Variants in ERI1 observed in about 807,000 individuals in gnomAD.
ERI1 encodes 3'-5' exoribonuclease 1.
Under a neutral mutation model 39.7 loss-of-function variants are expected in ERI1, and 39 were observed. The observed-to-expected ratio is 0.98, with a 90% CI of 0.76 to 1.28. The LOEUF is 1.28. Ranked by LOEUF, ERI1 falls within the 50% of genes most tolerant of loss-of-function variation. The probability of loss-of-function intolerance (pLI) is 0.00; values close to 1 mark genes in which losing one functional copy is unlikely to be tolerated. For synonymous variants in ERI1, 204 were observed against 149.6 expected, an observed-to-expected ratio of 1.36 and a Z score of -2.65; for missense variants, 581 against 416.9, an observed-to-expected ratio of 1.39 and a Z score of -3.43.
At chr8:9,045,053 C>T (rs549210477) in intron 3 of ERI1, among the ~76,000 whole-genome samples, 7 of 151,910 alleles carry the variant, frequency 4.6e-5, no homozygotes, top group African/African-American at 2.4e-5. Flanking sequence ...CTGGCTAACA[C>T]GGTGAAACCC....
chr8:9,026,858 TA>T (rs58454617), intron 6 of ERI1, among the ~76,000 whole-genome samples: 38,719 of 147,886 alleles, frequency 0.26, 5,327 homozygotes, highest in Non-Finnish European at 0.32. Flanking sequence ...TGTACCACGT[TA>T]AAAAAAAAAA....
intron 3 of ERI1, among the ~76,000 whole-genome samples, chr8:9,076,151 C>A (rs564708951): frequency 2.0e-5 from 3 of 152,198 alleles, no homozygotes; most frequent in African/African-American, 7.2e-5. Flanking sequence ...CACTTATTGC[C>A]CAAGCTGGTC....
chr8:9,016,773 C>T (rs747143574), intron 4 of ERI1, among the ~76,000 whole-genome samples: 1 of 152,164 alleles, frequency 6.6e-6, no homozygotes, highest in East Asian at 1.9e-4. Context: ...GCAGCCTCTG[C>T]CTCCTGGGCT....
chr8:9,032,328 T>A lies in ERI1; in HGVS notation c.*2294T>A, dbSNP rs1225585993. 6.6e-6 allele frequency: 1 copy of A among 152,256 alleles called. No homozygotes were observed. The highest frequency in any genetic ancestry group is 1.5e-5 in the Non-Finnish European group (1 of 68,046). The allele number at this position is 152,256 out of a possible 1,614,324, so 9.4% of individuals were successfully genotyped here. A position where few individuals can be genotyped will look rare whatever the true frequency, so the allele number is the denominator to read the frequency against. On this transcript the variant is annotated 3_prime_UTR_variant, in exon 7 of 7. Transcript: ENST00000250263. Reference sequence around the variant, plus strand: ...CAATTTATTATTAGCTGTGTTAACTTTTATTCTATGCTTCATATGCTCTGA... The same window carrying A: ...CAATTTATTATTAGCTGTGTTAACTATTATTCTATGCTTCATATGCTCTGA...
At chr8:9,057,703 TA>T (rs35945547) in intron 3 of ERI1, among the ~76,000 whole-genome samples, 67,052 of 151,910 alleles carry the variant, frequency 0.44, 16,363 homozygotes, top group East Asian at 0.73. Flanking sequence ...TCAAATAAAT[TA>T]AAAGATGTTC....
intron 1 of ERI1, among the ~76,000 whole-genome samples, chr8:9,004,589 C>G (rs1430050044): frequency 6.7e-6 from 1 of 149,188 alleles, no homozygotes; most frequent in African/African-American, 2.5e-5. Flanking sequence ...CACCTGAGCC[C>G]ATGGGTGGAG....
At chr8:9,052,527 AC>A (rs773304904) in intron 3 of ERI1, among the ~76,000 whole-genome samples, 6 of 152,126 alleles carry the variant, frequency 3.9e-5, no homozygotes, top group Non-Finnish European at 5.9e-5. Context: ...AGCATATACC[AC>A]TATTACCCGT....
chr8:9,026,715 GT>G (rs1310526320), intron 6 of ERI1, among the ~76,000 whole-genome samples: 1 of 152,148 alleles, frequency 6.6e-6, no homozygotes, highest in Non-Finnish European at 1.5e-5. Context: ...AGCATTTCAG[GT>G]TTTGGAATTT....
At chr8:9,023,793 CT>C (rs3083379) in intron 6 of ERI1, among the ~76,000 whole-genome samples, 983 of 80,440 alleles carry the variant, frequency 0.012, 1 homozygote, top group East Asian at 0.064. Context: ...GTAAAAATGA[CT>C]TTTTTTTTTT....
At chr8:9,098,911 G>T (rs984586692) in intron 3 of ERI1, among the ~76,000 whole-genome samples, 3 of 152,004 alleles carry the variant, frequency 2.0e-5, no homozygotes, top group African/African-American at 7.2e-5. Context: ...TCGGCTCACT[G>T]CAACCTCTGC....
At chr8:9,050,897 C>T (rs1197936103) in intron 3 of ERI1, among the ~76,000 whole-genome samples, 1 of 152,094 alleles carries the variant, frequency 6.6e-6, no homozygotes, top group African/African-American at 2.4e-5. Context: ...CTCAGGGCAG[C>T]ACCTTTGGAT....
intron 1 of ERI1, among the ~76,000 whole-genome samples, chr8:9,007,672 G>C (rs1473879260): frequency 1.3e-5 from 2 of 152,148 alleles, no homozygotes; most frequent in Non-Finnish European, 2.9e-5. Flanking sequence ...CTAGTAAATA[G>C]TCAGCTGGGG....
intron 3 of ERI1, among the ~76,000 whole-genome samples, chr8:9,041,403 T>A (rs1798014635): frequency 6.6e-6 from 1 of 152,130 alleles, no homozygotes; most frequent in Non-Finnish European, 1.5e-5. Context: ...CATCGGCACA[T>A]GGAACATTCT....
rs77681570 is a variant in ERI1, at chr8:9,024,833, G to T, written c.807+4369G>T. Among the ~76,000 whole-genome samples the T allele has an allele frequency of 8.3e-3, 1,246 of 150,406 alleles. 16 individuals are homozygous for T. The highest frequency in any genetic ancestry group is 0.029 in the African/African-American group (1,193 of 40,958). ...TGTAAAATGTGTTTTCTTTTTTTTT[G>T]TCCTCCCTTTACAAATACTCAATTT... On this transcript the variant is annotated intron_variant, in intron 6 of 6. Transcript: ENST00000250263.
rs569724361 is a variant in ERI1 at position 9,016,305 on chromosome 8, C to T, written c.499-17C>T. 8.4e-6 allele frequency: 13 copies of T among 1,543,256 alleles called. No homozygotes were observed. The African/African-American group carries it at 1.4e-4, about 16-fold the overall frequency. On this transcript the variant is annotated splice_polypyrimidine_tract_variant and intron_variant, in intron 3 of 6. Coordinates refer to ENST00000250263, the MANE Select transcript of ERI1 (RefSeq NM_153332.4). ...AACTCATATAAATTACTTTAACTTGCTATCCTTCCCTTGCAGGAAGACACG... is the reference window on the plus strand; with the variant it reads ...AACTCATATAAATTACTTTAACTTGTTATCCTTCCCTTGCAGGAAGACACG...
Position 9,098,436 on chromosome 8 carries a change from TG to T in ERI1, n.300-17911del, listed in dbSNP as rs549273406. Among the ~76,000 whole-genome samples the T allele has an allele frequency of 5.9e-5, 9 of 152,316 alleles. No homozygotes were observed. In the South Asian group the frequency reaches 1.9e-3, roughly 32 times the overall value. On this transcript the variant is annotated intron_variant and non_coding_transcript_variant, in intron 3 of 3. Transcript: ENST00000518663. ...TTGGGAGGCCGAAGCAAGAATCGCTTGAACCCGGGACGCAGAGGTTGCAGTG... is the reference window on the plus strand; with the variant it reads ...TTGGGAGGCCGAAGCAAGAATCGCTTAACCCGGGACGCAGAGGTTGCAGTG...
In ERI1 at chr8:9,026,461, T is replaced by C. The variant is rs540449176; in HGVS notation, c.808-3331T>C. ...TCAGTTTGACTTATCTATATACCTC[T>C]TATAAGTGGAGGCGTACAGTATTTG... On this transcript the variant is annotated intron_variant, in intron 6 of 6. Transcript: ENST00000250263. Among the ~76,000 whole-genome samples the C allele has an allele frequency of 1.2e-3, 176 of 152,274 alleles. 2 individuals carry two copies. Among genetic ancestry groups the C allele is most frequent in the African/African-American group, 4.1e-3 (169 of 41,550 alleles).
chr8:9,082,118 G>T (rs1197979446), intron 3 of ERI1, among the ~76,000 whole-genome samples: 2 of 152,164 alleles, frequency 1.3e-5, no homozygotes, highest in African/African-American at 4.8e-5. Flanking sequence ...TACGACTCCA[G>T]GAAGTGAAGT....
intron 3 of ERI1, among the ~76,000 whole-genome samples, chr8:9,087,713 C>G (rs1301948737): frequency 6.6e-6 from 1 of 152,172 alleles, no homozygotes; most frequent in Non-Finnish European, 1.5e-5. Flanking sequence ...CTACTTTCTG[C>G]TCAAGTTGAC....
Sources: gnomAD v4.1 joint callset for allele counts (sites outside exome capture counted in the v4.1 genomes callset) on GRCh38, gnomAD v4.1.1 for gene constraint, MANE v1.5 for transcripts, NCBI Gene and HGNC (gene_info 2026-07-23, HGNC 2026-07-21) for gene names.